Variants in SYNE2 observed in about 807,000 individuals in gnomAD.
SYNE2 encodes nesprin-2.
In SYNE2, 431 loss-of-function variants were observed where a neutral mutation model predicts 856.3. The ratio of observed to expected loss-of-function variants is 0.50; its 90% CI spans 0.47 to 0.55. The LOEUF (loss-of-function observed/expected upper bound fraction) is 0.55, where lower values mean the gene tolerates loss of function less well. Among genes scored for constraint, SYNE2 ranks in the 20% least tolerant of loss-of-function variants. The pLI is 0.00. For synonymous variants in SYNE2, 2,923 were observed against 2,872.3 expected (o/e 1.02, Z -0.56); for missense variants, 8,129 against 8,023.2 (o/e 1.01, Z -0.50).
rs903368318 is a variant in SYNE2 at position 63,992,219 on chromosome 14, G to T, written c.2646+1104G>T. On this transcript the variant is annotated intron_variant, in intron 21 of 115. Coordinates refer to ENST00000555002, the MANE Select transcript of SYNE2 (RefSeq NM_182914.3). ...GGCTGGATTCTAGGTGGGTAGAGATGGTCTGGTCAGGAAAAAGAGAAGGAA... is the reference window on the plus strand; with the variant it reads ...GGCTGGATTCTAGGTGGGTAGAGATTGTCTGGTCAGGAAAAAGAGAAGGAA... 1.2e-3 allele frequency among the ~76,000 whole-genome samples: 173 copies of T among 149,546 alleles called. 1 individual carries two copies. Among genetic ancestry groups the T allele is most frequent in the Non-Finnish European group, 4.5e-4 (30 of 67,304 alleles).
chr14:64,036,013 A>G (rs2097086535), intron 45 of SYNE2, among the ~76,000 whole-genome samples: 1 of 152,090 alleles, frequency 6.6e-6, no homozygotes, highest in South Asian at 2.1e-4. Context: ...GATCCAAAAA[A>G]GTTTGAGGAA....
chr14:63,928,588 G>C (rs1345240122), intron 2 of SYNE2, among the ~76,000 whole-genome samples: 1 of 152,128 alleles, frequency 6.6e-6, no homozygotes, highest in South Asian at 2.1e-4. Flanking sequence ...AAAGTAACAG[G>C]CTTTTTCCTG....
intron 1 of SYNE2, among the ~76,000 whole-genome samples, chr14:63,832,531 G>C (rs1313252808): frequency 1.3e-5 from 2 of 151,962 alleles, no homozygotes; most frequent in Non-Finnish European, 2.9e-5. Flanking sequence ...ATTCACCAGA[G>C]AAAAATTATT....
chr14:63,812,358 T>A (rs1348753574), intron 1 of SYNE2, among the ~76,000 whole-genome samples: 1 of 152,188 alleles, frequency 6.6e-6, no homozygotes, highest in Non-Finnish European at 1.5e-5. Flanking sequence ...GACCTTATGG[T>A]TGTCTTCCCT....
At chr14:64,166,185 A>AT (rs983705836) in intron 90 of SYNE2, among the ~76,000 whole-genome samples, 8 of 151,816 alleles carry the variant, frequency 5.3e-5, no homozygotes, top group African/African-American at 9.7e-5. Flanking sequence ...TCCATCACTG[A>AT]TTTTTTTTTA....
At chr14:63,875,900 G>A (rs981388342) in intron 1 of SYNE2, among the ~76,000 whole-genome samples, 8 of 152,114 alleles carry the variant, frequency 5.3e-5, no homozygotes, top group Non-Finnish European at 7.4e-5. Flanking sequence ...TTCCCAGACC[G>A]GTGACTTGAT....
chr14:64,051,445 A>AT, intron 47 of SYNE2, 112 bp from the exon 48 acceptor site: 2 of 1,076,680 alleles, frequency 1.9e-6, no homozygotes, highest in Non-Finnish European at 2.6e-6. Flanking sequence ...AGACAGCCTA[A>AT]TTTTTTCTGT....
At chr14:64,020,749 T>G (rs2096930065) in intron 35 of SYNE2, among the ~76,000 whole-genome samples, 1 of 152,164 alleles carries the variant, frequency 6.6e-6, no homozygotes, top group African/African-American at 2.4e-5. Flanking sequence ...CCAAGTATGG[T>G]TTTCTGTTGT....
At chr14:63,826,707 C>T (rs994330633) in intron 1 of SYNE2, among the ~76,000 whole-genome samples, 2 of 151,982 alleles carry the variant, frequency 1.3e-5, no homozygotes, top group Non-Finnish European at 2.9e-5. Context: ...CAAAAATTAA[C>T]CAAAAACAGA....
At chr14:63,930,131 A>G (rs898559958) in intron 2 of SYNE2, among the ~76,000 whole-genome samples, 4 of 151,928 alleles carry the variant, frequency 2.6e-5, no homozygotes, top group African/African-American at 9.7e-5. Flanking sequence ...ACAAAAAATG[A>G]AACAAGTTAG....
At chr14:64,146,988 A>G (rs562834436) in intron 84 of SYNE2, among the ~76,000 whole-genome samples, 4 of 151,880 alleles carry the variant, frequency 2.6e-5, no homozygotes, top group Non-Finnish European at 5.9e-5. Context: ...GGCCCTTTTC[A>G]CCTGCTCGTA....
intron 22 of SYNE2, among the ~76,000 whole-genome samples, chr14:63,994,231 A>G (rs1401686285): frequency 6.6e-6 from 1 of 152,238 alleles, no homozygotes; most frequent in Admixed American, 6.5e-5. Context: ...AAATGGGGTA[A>G]CACCACCTAC....
chr14:63,887,021 G>T (rs190352169), intron 1 of SYNE2, among the ~76,000 whole-genome samples: 2,065 of 152,230 alleles, frequency 0.014, 41 homozygotes, highest in African/African-American at 0.047. Flanking sequence ...GGTGGCTCAT[G>T]CCTGTAATCC....
intron 1 of SYNE2, among the ~76,000 whole-genome samples, chr14:63,827,477 T>C (rs1446158583): frequency 2.0e-5 from 3 of 150,994 alleles, no homozygotes; most frequent in African/African-American, 4.9e-5. Context: ...ATACAAAAAT[T>C]AGCCGGGTGT....
At chr14:63,843,180 G>A (rs1157021270) in intron 1 of SYNE2, among the ~76,000 whole-genome samples, 1 of 152,004 alleles carries the variant, frequency 6.6e-6, no homozygotes, top group Non-Finnish European at 1.5e-5. Flanking sequence ...GGGGCTATAG[G>A]TGTGCCCCAC....
At chr14:64,103,378 A>G (rs947781790) in intron 64 of SYNE2, among the ~76,000 whole-genome samples, 3 of 151,176 alleles carry the variant, frequency 2.0e-5, no homozygotes, top group African/African-American at 4.9e-5. Flanking sequence ...TTGTGGAACA[A>G]AGTAGTATGT....
chr14:64,084,725 C>T, intron 57 of SYNE2: 1 of 481,238 alleles, frequency 2.1e-6, no homozygotes, highest in Non-Finnish European at 3.7e-6. Flanking sequence ...CATATTACTC[C>T]ATAAGTTAGC....
intron 1 of SYNE2, among the ~76,000 whole-genome samples, chr14:63,906,382 C>A (rs2095409827): frequency 6.6e-6 from 1 of 152,080 alleles, no homozygotes; most frequent in South Asian, 2.1e-4. Flanking sequence ...AGGATTTGTA[C>A]CAGTTCCTCT....
intron 84 of SYNE2, among the ~76,000 whole-genome samples, chr14:64,151,170 C>G (rs2098238439): frequency 6.6e-6 from 1 of 151,926 alleles, no homozygotes; most frequent in Non-Finnish European, 1.5e-5. Flanking sequence ...TTTCTACTTT[C>G]CAGTCCAGAA....
Sources: gnomAD v4.1 joint callset for allele counts (sites outside exome capture counted in the v4.1 genomes callset) on GRCh38, gnomAD v4.1.1 for gene constraint, MANE v1.5 for transcripts, NCBI Gene and HGNC (gene_info 2026-07-23, HGNC 2026-07-21) for gene names.